Variants in GLO1 observed in about 807,000 individuals in gnomAD.
GLO1 encodes the protein glyoxalase I, also known as lactoylglutathione lyase.
Under a neutral mutation model 26.0 loss-of-function variants are expected in GLO1, and 28 were observed. That is an observed-to-expected ratio of 1.08 (90% CI 0.80 to 1.48). The LOEUF (loss-of-function observed/expected upper bound fraction) is 1.48, where lower values mean the gene tolerates loss of function less well. Among genes scored for constraint, GLO1 ranks in the 40% most tolerant of loss-of-function variants. The probability of loss-of-function intolerance (pLI) is 0.00; values close to 1 mark genes in which losing one functional copy is unlikely to be tolerated. For synonymous variants in GLO1, 78 were observed against 77.6 expected, an observed-to-expected ratio of 1.00 and a Z score of -0.03; for missense variants, 225 against 224.8, an observed-to-expected ratio of 1.00 and a Z score of -0.01.
At chr6:38,698,138 G>A (rs2127548906) in intron 1 of GLO1, among the ~76,000 whole-genome samples, 1 of 152,182 alleles carries the variant, frequency 6.6e-6, no homozygotes, top group South Asian at 2.1e-4. Context: ...AAAAACAAAT[G>A]AATATAATGG....
At position 38,703,130 on chromosome 6, in the gene GLO1, C is replaced by T. The variant is rs1241076058; in HGVS notation, c.-76G>A. The T allele has an allele frequency of 3.5e-6, 3 of 867,092 alleles. No individual in the cohort carries two copies. Among genetic ancestry groups the T allele is most frequent in the Non-Finnish European group, 5.5e-6 (3 of 549,974 alleles). 53.7% of individuals were successfully genotyped at this position (867,092 alleles called of 1,614,324 possible). A position where few individuals can be genotyped will look rare whatever the true frequency, so the allele number is the denominator to read the frequency against. ...CCCACACTACGCCTCGGCCCTGTGC[C>T]GCCTTAACTAGGAATGGCGCGATGG... On this transcript the variant is annotated 5_prime_UTR_variant, in exon 1 of 6. Coordinates refer to ENST00000373365, the MANE Select transcript of GLO1 (RefSeq NM_006708.3).
In GLO1 at chr6:38,682,835, TG is replaced by T; in HGVS notation, c.348del (p.His116GlnfsTer35). On this transcript the variant is annotated frameshift_variant, in exon 4 of 6. Transcript: ENST00000373365. LOFTEE classifies it high-confidence loss of function. ...GTEDDETQSY[H>X]NGNSDPRGFG... ...AATCCTCGAGGGTCTGAATTGCCATTGTGGTAACTCTGGGTCTCATCATCTT... is the reference window on the plus strand; with the variant it reads ...AATCCTCGAGGGTCTGAATTGCCATTTGGTAACTCTGGGTCTCATCATCTT... The T allele has an allele frequency of 1.2e-6, 2 of 1,605,918 alleles. No individual in the cohort carries two copies. Among genetic ancestry groups the T allele is most frequent in the South Asian group, 2.2e-5 (2 of 90,924 alleles).
chr6:38,688,681 G>C (rs1761490213), intron 1 of GLO1, among the ~76,000 whole-genome samples: 1 of 152,186 alleles, frequency 6.6e-6, no homozygotes, highest in East Asian at 1.9e-4. Flanking sequence ...GGGGAGATCT[G>C]TCCTCCCAGC....
chr6:38,691,393 C>T (rs190052551), intron 1 of GLO1, among the ~76,000 whole-genome samples: 304 of 152,034 alleles, frequency 2.0e-3, no homozygotes, highest in African/African-American at 6.8e-3. Flanking sequence ...CTGCAAGCTC[C>T]GCCTCCCGAG....
At chr6:38,678,380 G>GAGGAAGGA (rs1263138663) in intron 5 of GLO1, among the ~76,000 whole-genome samples, 106 of 63,010 alleles carry the variant, frequency 1.7e-3, no homozygotes, top group African/African-American at 6.5e-3. Flanking sequence ...GAGGGAGAGA[G>GAGGAAGGA]AGGAAGGAAG....
intron 5 of GLO1, among the ~76,000 whole-genome samples, chr6:38,681,228 A>G (rs1761373134): frequency 6.6e-6 from 1 of 151,986 alleles, no homozygotes; most frequent in Non-Finnish European, 1.5e-5. Context: ...ATGCCTGGCT[A>G]ATTTTTTCTA....
At chr6:38,685,246 G>C (rs528881857) in intron 2 of GLO1, among the ~76,000 whole-genome samples, 101 of 152,236 alleles carry the variant, frequency 6.6e-4, no homozygotes, top group African/African-American at 2.3e-3. Flanking sequence ...AAGGAGCAGA[G>C]GGCAAGAAAT....
chr6:38,684,635 T>C, intron 2 of GLO1, 121 bp from the exon 3 acceptor site: 1 of 487,434 alleles, frequency 2.1e-6, no homozygotes. Context: ...AGTAAGCCTA[T>C]TTTAATGGAA....
At chr6:38,684,173 TA>T (rs896169880) in intron 3 of GLO1, among the ~76,000 whole-genome samples, 200 bp downstream of exon 3, 51 of 151,716 alleles carry the variant, frequency 3.4e-4, no homozygotes, top group African/African-American at 5.3e-4. Context: ...AGCCTGTCTC[TA>T]AAAAAAACAC....
At chr6:38,681,542 G>T (rs568390549) in intron 5 of GLO1, among the ~76,000 whole-genome samples, 14 of 152,048 alleles carry the variant, frequency 9.2e-5, no homozygotes, top group Middle Eastern at 6.8e-3. Flanking sequence ...CCATACGTAG[G>T]CTATTTCAAA....
At chr6:38,698,816 G>A (rs1761650101) in intron 1 of GLO1, among the ~76,000 whole-genome samples, 1 of 152,110 alleles carries the variant, frequency 6.6e-6, no homozygotes, top group Non-Finnish European at 1.5e-5. Context: ...CAAAAAACAA[G>A]TCGACTTTGT....
chr6:38,676,262 T>C lies in GLO1; in HGVS notation c.*1033A>G, dbSNP rs1218986450. ...TAACTAAGTTATCACTGAACATAAT[T>C]TATCATATATGGCTACTGGCATCAT... is the stretch of plus-strand genomic sequence containing the variant. On this transcript the variant is annotated 3_prime_UTR_variant, in exon 6 of 6. Transcript: ENST00000373365. 1 of 152,096 alleles carries C rather than the reference T, an allele frequency of 6.6e-6. No homozygotes were observed. Among genetic ancestry groups the C allele is most frequent in the Non-Finnish European group, 1.5e-5 (1 of 67,998 alleles). The allele number at this position is 152,096 out of a possible 1,614,324, so 9.4% of individuals were successfully genotyped here.
intron 1 of GLO1, among the ~76,000 whole-genome samples, chr6:38,694,231 T>C (rs992298838): frequency 3.3e-5 from 5 of 152,198 alleles, no homozygotes; most frequent in Admixed American, 6.5e-5. Context: ...TCTACTTTGG[T>C]ATATTTTCTA....
intron 1 of GLO1, among the ~76,000 whole-genome samples, chr6:38,702,744 T>G (rs1761723329): frequency 6.6e-6 from 1 of 152,058 alleles, no homozygotes; most frequent in South Asian, 2.1e-4. Context: ...ACAAGCCAAT[T>G]CAAAACAGGG....
At chr6:38,682,775 C>A in intron 4 of GLO1, 33 bp downstream of exon 4, 1 of 1,186,276 alleles carries the variant, frequency 8.4e-7, no homozygotes, top group East Asian at 2.3e-5. Flanking sequence ...TCACACAAAT[C>A]TACATATATC....
At chr6:38,687,911 T>G (rs1248726091) in intron 1 of GLO1, among the ~76,000 whole-genome samples, 1 of 151,660 alleles carries the variant, frequency 6.6e-6, no homozygotes, top group East Asian at 1.9e-4. Context: ...TTTTTTTTTC[T>G]GTTAAACCCA....
chr6:38,680,469 C>A (rs1034259343), intron 5 of GLO1, among the ~76,000 whole-genome samples: 4 of 152,284 alleles, frequency 2.6e-5, no homozygotes, highest in African/African-American at 9.6e-5. Flanking sequence ...TGCGGTGAGC[C>A]AAGACCGTGC....
Position 38,685,127 on chromosome 6 carries a change from C to T in GLO1, c.168-613G>A, listed in dbSNP as rs1582776146. 2.0e-5 allele frequency among the ~76,000 whole-genome samples: 3 copies of T among 152,148 alleles called. No homozygotes were observed. The South Asian group carries it at 6.2e-4, about 32-fold the overall frequency. ...TGGAAAGGTCCCATGAGAGCAATGTCAGCAGAGTGGGGAAGCATCAGCTGG... is the reference window on the plus strand; with the variant it reads ...TGGAAAGGTCCCATGAGAGCAATGTTAGCAGAGTGGGGAAGCATCAGCTGG... On this transcript the variant is annotated intron_variant, in intron 2 of 5. Coordinates refer to ENST00000373365, the MANE Select transcript of GLO1 (RefSeq NM_006708.3).
chr6:38,681,914 C>T (rs1440981978), intron 5 of GLO1, 98 bp downstream of exon 5: 2 of 713,656 alleles, frequency 2.8e-6, no homozygotes, highest in Non-Finnish European at 5.1e-6. Flanking sequence ...ACTTCTGTTA[C>T]TTGTAGCCAA....
Sources: allele counts gnomAD v4.1 joint callset (sites outside exome capture counted in the v4.1 genomes callset), GRCh38; gene constraint gnomAD v4.1.1; transcripts MANE v1.5; gene names NCBI Gene and HGNC (gene_info 2026-07-23, HGNC 2026-07-21).